Variants in HERPUD2 observed in about 807,000 individuals in gnomAD.
The protein encoded by HERPUD2 is HERPUD family member 2.
Under a neutral mutation model 49.9 loss-of-function variants are expected in HERPUD2, and 13 were observed. The observed-to-expected ratio is 0.26, with a 90% CI of 0.17 to 0.41. The LOEUF (loss-of-function observed/expected upper bound fraction) is 0.41, where lower values mean the gene tolerates loss of function less well. Among genes scored for constraint, HERPUD2 ranks in the 10% least tolerant of loss-of-function variants. The pLI is 1.00. For synonymous variants in HERPUD2, 172 were observed against 171.4 expected (o/e 1.00, Z -0.03); for missense variants, 449 against 492.2 (o/e 0.91, Z 0.83).
intron 5 of HERPUD2, among the ~76,000 whole-genome samples, chr7:35,650,847 C>T (rs1241122542): frequency 1.3e-5 from 2 of 152,178 alleles, no homozygotes; most frequent in Admixed American, 6.5e-5. Flanking sequence ...CTGGGGATCA[C>T]GCCATCCTCG....
rs77841999 is a variant in HERPUD2 at position 35,674,934 on chromosome 7, G to A, written c.148-1656C>T. On this transcript the variant is annotated intron_variant, in intron 2 of 8. Transcript: ENST00000311350. ...TCCTTTGTAATAATATCCTTTGTAA[G>A]TGAGCAAATGTAAGTAACATGTTTC... Among the ~76,000 whole-genome samples the A allele has an allele frequency of 3.9e-3, 589 of 152,274 alleles. 5 individuals are homozygous for A. The highest frequency in any genetic ancestry group is 0.013 in the African/African-American group (556 of 41,550).
Position 35,661,765 on chromosome 7 carries a change from A to G in HERPUD2, c.494+5669T>C, listed in dbSNP as rs1391078490. Among the ~76,000 whole-genome samples, 4 of 152,316 alleles carry G rather than the reference A, an allele frequency of 2.6e-5. No individual in the cohort carries two copies. The East Asian group carries it at 7.7e-4, about 29-fold the overall frequency. ...GCTGAAGTTGCTTATCAGCTTAAGG[A>G]GATTTTGGGCTGAGATGATAGGGTT... On this transcript the variant is annotated intron_variant, in intron 5 of 8. Transcript: ENST00000311350.
chr7:35,635,485 A>T, intron 6 of HERPUD2, 27 bp from the exon 7 acceptor site: 1 of 1,553,434 alleles, frequency 6.4e-7, no homozygotes, highest in East Asian at 2.3e-5. Flanking sequence ...AATAAATATT[A>T]AAAAGAAAAA....
chr7:35,692,538 G>A (rs1786215921), intron 2 of HERPUD2, among the ~76,000 whole-genome samples: 3 of 152,270 alleles, frequency 2.0e-5, no homozygotes, highest in South Asian at 4.1e-4. Flanking sequence ...TGTAATCAAG[G>A]TATTTTCAAA....
chr7:35,671,150 G>C (rs1785635819), intron 3 of HERPUD2, among the ~76,000 whole-genome samples: 2 of 152,070 alleles, frequency 1.3e-5, no homozygotes, highest in Non-Finnish European at 2.9e-5. Flanking sequence ...TAGAAACTAT[G>C]AATGTATCAC....
intron 2 of HERPUD2, among the ~76,000 whole-genome samples, chr7:35,686,821 GTGGGGGGGT>G (rs1583572790): frequency 1.4e-3 from 13 of 9,408 alleles, no homozygotes; most frequent in African/African-American, 4.5e-3. Context: ...GGGGGGGGGG[GTGGGGGGGT>G]GGGGGGGGGC....
chr7:35,661,587 C>T (rs1261821543), intron 5 of HERPUD2, among the ~76,000 whole-genome samples: 2 of 152,190 alleles, frequency 1.3e-5, no homozygotes, highest in African/African-American at 4.8e-5. Flanking sequence ...AGAGGTCGTT[C>T]ACATCCCTTG....
chr7:35,635,967 A>T (rs1417563776), intron 6 of HERPUD2, among the ~76,000 whole-genome samples: 2 of 152,208 alleles, frequency 1.3e-5, no homozygotes, highest in South Asian at 4.1e-4. Flanking sequence ...TACATCTCAG[A>T]TAACAACCCT....
At chr7:35,684,394 A>G (rs916358637) in intron 2 of HERPUD2, among the ~76,000 whole-genome samples, 4 of 150,150 alleles carry the variant, frequency 2.7e-5, no homozygotes, top group African/African-American at 9.9e-5. Context: ...CACCTCAAAA[A>G]AGAAAAAGAA....
At chr7:35,662,208 A>T (rs1384391309) in intron 5 of HERPUD2, among the ~76,000 whole-genome samples, 1 of 152,228 alleles carries the variant, frequency 6.6e-6, no homozygotes, top group Non-Finnish European at 1.5e-5. Flanking sequence ...CCAGCCTTGC[A>T]TCCCAGGGAT....
chr7:35,635,038 T>G (rs1784847154), intron 7 of HERPUD2, 97 bp downstream of exon 7: 2 of 833,926 alleles, frequency 2.4e-6, no homozygotes, highest in Admixed American at 5.0e-5. Context: ...GCATTCATAT[T>G]CCTTCACTCA....
intron 2 of HERPUD2, 47 bp from the exon 3 acceptor site, chr7:35,673,325 A>T: frequency 6.9e-7 from 1 of 1,451,822 alleles, no homozygotes; most frequent in Non-Finnish European, 9.6e-7. Context: ...TAATTATGCA[A>T]ATTGAAGGTT....
intron 4 of HERPUD2, among the ~76,000 whole-genome samples, chr7:35,669,277 T>C (rs1342304345): frequency 1.3e-5 from 2 of 152,178 alleles, no homozygotes; most frequent in East Asian, 3.8e-4. Flanking sequence ...TACTAGGAAA[T>C]AGTTACCATT....
intron 2 of HERPUD2, among the ~76,000 whole-genome samples, chr7:35,691,840 A>G (rs1786195847): frequency 6.6e-6 from 1 of 152,216 alleles, no homozygotes; most frequent in Non-Finnish European, 1.5e-5. Flanking sequence ...CGATACCATT[A>G]AACTGCTGCT....
intron 5 of HERPUD2, among the ~76,000 whole-genome samples, chr7:35,666,150 TATAAACCCTG>T (rs1562679011): frequency 6.6e-6 from 1 of 152,226 alleles, no homozygotes; most frequent in Non-Finnish European, 1.5e-5. Context: ...TGTTCCATAA[TATAAACCCTG>T]AGAACACTGC....
At chr7:35,648,832 ATGTAT>A (rs1185691744) in intron 5 of HERPUD2, among the ~76,000 whole-genome samples, 24 of 152,252 alleles carry the variant, frequency 1.6e-4, no homozygotes, top group Admixed American at 6.5e-5. Context: ...GAAAAATAAA[ATGTAT>A]TGTAAGCCAC....
chr7:35,683,208 T>G (rs7803724), intron 2 of HERPUD2, among the ~76,000 whole-genome samples: 28,855 of 152,140 alleles, frequency 0.19, 3,249 homozygotes, highest in African/African-American at 0.31. Context: ...AACATGGTAC[T>G]GATACAAAAA....
chr7:35,681,995 T>A (rs1231406209), intron 2 of HERPUD2, among the ~76,000 whole-genome samples: 1 of 152,172 alleles, frequency 6.6e-6, no homozygotes, highest in African/African-American at 2.4e-5. Flanking sequence ...GTATGTGAAT[T>A]ATACCTGCAT....
intron 5 of HERPUD2, among the ~76,000 whole-genome samples, chr7:35,659,170 C>T (rs1785353919): frequency 6.6e-6 from 1 of 152,180 alleles, no homozygotes; most frequent in Non-Finnish European, 1.5e-5. Flanking sequence ...TAAATTACTG[C>T]TCTTGCACAT....
Sources: gnomAD v4.1 joint callset for allele counts (sites outside exome capture counted in the v4.1 genomes callset) on GRCh38, gnomAD v4.1.1 for gene constraint, MANE v1.5 for transcripts, NCBI Gene and HGNC (gene_info 2026-07-23, HGNC 2026-07-21) for gene names.